The following PLEKHG3 variants were observed in gnomAD, a reference collection of about 807,000 sequenced individuals.
The protein encoded by PLEKHG3 is pleckstrin homology and RhoGEF domain containing G3, also known as pleckstrin homology domain-containing family G member 3.
PLEKHG3 carries 62 observed loss-of-function variants against 94.9 expected under a neutral mutation model. The ratio of observed to expected loss-of-function variants is 0.65; its 90% CI spans 0.53 to 0.81. PLEKHG3 has a LOEUF of 0.81. Among genes scored for constraint, PLEKHG3 ranks in the 30% least tolerant of loss-of-function variants. The probability of loss-of-function intolerance (pLI) is 0.00; values close to 1 mark genes in which losing one functional copy is unlikely to be tolerated. For missense variants in PLEKHG3, 1,461 were observed against 1,619.3 expected (o/e 0.90, Z 1.68); for synonymous variants, 614 against 654.0 (o/e 0.94, Z 0.93).
Position 64,738,095 on chromosome 14 carries a change from G to T in PLEKHG3, c.1405-647G>T. On this transcript the variant is annotated intron_variant, in intron 14 of 16. Coordinates refer to ENST00000247226, the MANE Select transcript of PLEKHG3 (RefSeq NM_001308147.2). The surrounding 1 kb of genome is among the most constrained non-coding windows in gnomAD (Gnocchi z 4.8). ...GGCCGGAGCCCCCAGGCTCAGAGGAGGAGGAGGAGGAGCAGGAGGAGAGCC... is the reference window on the plus strand; with the variant it reads ...GGCCGGAGCCCCCAGGCTCAGAGGATGAGGAGGAGGAGCAGGAGGAGAGCC... The T allele has an allele frequency of 7.7e-7, 1 of 1,304,322 alleles. No individual in the cohort carries two copies. Among genetic ancestry groups the T allele is most frequent in the Admixed American group, 2.2e-5 (1 of 45,140 alleles). 80.8% of individuals were successfully genotyped at this position (1,304,322 alleles called of 1,614,324 possible).
Position 64,731,231 on chromosome 14 carries a change from A to G in PLEKHG3, c.849+62A>G. ...CTGGGTGGGCCAGGCTTCCGCTGGG[A>G]AGAGGGACTGTGGCCACCCTGCTGG... On this transcript the variant is annotated intron_variant, in intron 7 of 16. Transcript: ENST00000247226. This position sits in a 1 kb window ranked among gnomAD's most constrained non-coding sequence, Gnocchi z 6.1. 2 of 1,524,944 alleles carry G rather than the reference A, an allele frequency of 1.3e-6. No individual in the cohort carries two copies. Among genetic ancestry groups the G allele is most frequent in the Non-Finnish European group, 1.8e-6 (2 of 1,110,554 alleles). 94.5% of individuals were successfully genotyped at this position (1,524,944 alleles called of 1,614,324 possible). A position where few individuals can be genotyped will look rare whatever the true frequency, so the allele number is the denominator to read the frequency against.
chr14:64,713,336 G>GT (rs1408232038), intron 1 of PLEKHG3, among the ~76,000 whole-genome samples: 1 of 152,108 alleles, frequency 6.6e-6, no homozygotes, highest in Non-Finnish European at 1.5e-5. Flanking sequence ...ATTTCCTGCT[G>GT]TTTTTTTGTG....
intron 12 of PLEKHG3, among the ~76,000 whole-genome samples, chr14:64,734,148 T>G (rs1197241600): frequency 6.6e-6 from 1 of 152,236 alleles, no homozygotes; most frequent in African/African-American, 2.4e-5. Flanking sequence ...TGGTTTTATG[T>G]TGTTGGTATT....
rs1330148785 is a variant in PLEKHG3, at chr14:64,742,464, G to A, written c.2938+9G>A. On this transcript the variant is annotated intron_variant, in intron 16 of 16. Coordinates refer to ENST00000247226, the MANE Select transcript of PLEKHG3 (RefSeq NM_001308147.2). ...GCCATTAGGTGGCAAAGGTATGACA[G>A]AAGCGGCAAGTGGGCCCTTCCCCAA... 6.3e-7 allele frequency: 1 copy of A among 1,583,098 alleles called. No individual in the cohort carries two copies. The highest frequency in any genetic ancestry group is 8.6e-7 in the Non-Finnish European group (1 of 1,161,992).
Position 64,741,182 on chromosome 14 carries a change from C to A in PLEKHG3, c.1665C>A (p.Asp555Glu), listed in dbSNP as rs2081681673. The change falls in exon 16 of 17, where the codon GAC becomes GAA. Residue 555 changes from aspartate (D) to glutamate (E), a missense_variant. Around this residue, in one of 3 missense-constraint regions of PLEKHG3, gnomAD observed 1,201 missense variants for 1,295.5 expected, o/e 0.93. Transcript: ENST00000247226. Reference protein sequence around the residue: ...LDAHQGLLGMDPPGDMVDFVA... With the variant: ...LDAHQGLLGMEPPGDMVDFVA... ...CCCACCAGGGCCTTCTGGGGATGGA[C>A]CCCCCAGGTGACATGGTGGACTTCG... 2 of 1,613,628 alleles carry A rather than the reference C, an allele frequency of 1.2e-6. No homozygotes were observed. Among genetic ancestry groups the A allele is most frequent in the East Asian group, 4.5e-5 (2 of 44,888 alleles).
chr14:64,724,494 C>G (rs1435177505), intron 1 of PLEKHG3, among the ~76,000 whole-genome samples: 3 of 152,198 alleles, frequency 2.0e-5, no homozygotes, highest in Non-Finnish European at 2.9e-5. Flanking sequence ...TGACCTCATA[C>G]TTTCTCCCTC....
rs868826781 is a variant in PLEKHG3, at chr14:64,743,671, G to A, written c.3628G>A (p.Glu1210Lys). 1 of 1,591,832 alleles carries A rather than the reference G, an allele frequency of 6.3e-7. No individual in the cohort carries two copies. The highest frequency in any genetic ancestry group is 1.7e-4 in the Middle Eastern group (1 of 5,958). Reference sequence around the variant, plus strand: ...GCAGGGCAGAGTGAGAAACCTTAGAGAGAAGTTCCAGGCCTTGAACTCTGT... The same window carrying A: ...GCAGGGCAGAGTGAGAAACCTTAGAAAGAAGTTCCAGGCCTTGAACTCTGT... The part of the protein sequence containing the change: ...SQQGRVRNLR[E>K]KFQALNSVG Residue 1210 changes from glutamate to lysine, a missense_variant, in exon 17 of 17, where the codon GAG becomes AAG. Physicochemically the swap from Glu to Lys is moderately conservative, Grantham distance 56 (BLOSUM62 1). Coordinates refer to ENST00000247226, the MANE Select transcript of PLEKHG3 (RefSeq NM_001308147.2). The surrounding 1 kb of genome is among the most constrained non-coding windows in gnomAD (Gnocchi z 7.2).
chr14:64,740,655 G>T (rs1386521820), intron 15 of PLEKHG3, among the ~76,000 whole-genome samples: 1 of 152,260 alleles, frequency 6.6e-6, no homozygotes, highest in East Asian at 1.9e-4. Context: ...CAGCCATGCT[G>T]GTTCCATGAC....
chr14:64,715,286 C>T lies in PLEKHG3; in HGVS notation c.-40+10582C>T, dbSNP rs920522545. On this transcript the variant is annotated intron_variant, in intron 1 of 16. Coordinates refer to ENST00000247226, the MANE Select transcript of PLEKHG3 (RefSeq NM_001308147.2). The surrounding 1 kb of genome is among the most constrained non-coding windows in gnomAD (Gnocchi z 4.4). ...TGAGAGATGGCCTTCTTGGCTTCGTCTCTCGGGCCATGTGGGAGGTTGTGG... is the reference window on the plus strand; with the variant it reads ...TGAGAGATGGCCTTCTTGGCTTCGTTTCTCGGGCCATGTGGGAGGTTGTGG... 6.6e-6 allele frequency among the ~76,000 whole-genome samples: 1 copy of T among 152,160 alleles called. No individual in the cohort carries two copies. The highest frequency in any genetic ancestry group is 1.5e-5 in the Non-Finnish European group (1 of 68,028).
intron 1 of PLEKHG3, among the ~76,000 whole-genome samples, chr14:64,712,597 A>T (rs2081079899): frequency 6.6e-6 from 1 of 152,208 alleles, no homozygotes; most frequent in Non-Finnish European, 1.5e-5. Context: ...TGGGAGTCTT[A>T]ATTCCATTTT....
rs1179878804 is a variant in PLEKHG3, at chr14:64,722,643, G to A, written c.-39-4950G>A. Reference sequence around the variant, plus strand: ...CCTGGCTCCAAAGCAGCTGTGGTGCGGTGTGGCTTCTCATTCTTGAGTGTG... The same window carrying A: ...CCTGGCTCCAAAGCAGCTGTGGTGCAGTGTGGCTTCTCATTCTTGAGTGTG... On this transcript the variant is annotated intron_variant, in intron 1 of 16. Transcript: ENST00000247226. This position sits in a 1 kb window ranked among gnomAD's most constrained non-coding sequence, Gnocchi z 4.3. 2.0e-5 allele frequency among the ~76,000 whole-genome samples: 3 copies of A among 152,302 alleles called. No homozygotes were observed. The highest frequency in any genetic ancestry group is 2.1e-4 in the South Asian group (1 of 4,826).
In PLEKHG3 at chr14:64,731,457, A is replaced by C. The variant is rs376484327; in HGVS notation, c.946A>C (p.Asn316His). 2 of 1,613,792 alleles carry C rather than the reference A, an allele frequency of 1.2e-6. No homozygotes were observed. Among genetic ancestry groups the C allele is most frequent in the Non-Finnish European group, 1.7e-6 (2 of 1,179,686 alleles). ...CACATTCCGCGTGCATCGCGTGCGCAATGAAAGGACCTTTTTCCTCTTTGA... is the reference window on the plus strand; with the variant it reads ...CACATTCCGCGTGCATCGCGTGCGCCATGAAAGGACCTTTTTCCTCTTTGA... ...EGTFRVHRVRNERTFFLFDKT... is the reference protein window; with the variant it reads ...EGTFRVHRVRHERTFFLFDKT... Residue 316 changes from asparagine (N) to histidine (H), a missense_variant, in exon 8 of 17, where the codon AAT becomes CAT. Physicochemically the swap from Asn to His is moderately conservative, Grantham distance 68 (BLOSUM62 1). Transcript: ENST00000247226. The surrounding 1 kb of genome is among the most constrained non-coding windows in gnomAD (Gnocchi z 6.1).
At chr14:64,719,753 C>G (rs540742565) in intron 1 of PLEKHG3, among the ~76,000 whole-genome samples, 21 of 152,094 alleles carry the variant, frequency 1.4e-4, no homozygotes, top group Middle Eastern at 3.4e-3. Flanking sequence ...TCCTACCCAC[C>G]CACCCCGCTC....
At position 64,742,001 on chromosome 14, in the gene PLEKHG3, T is replaced by C. The variant is rs1333742436; in HGVS notation, c.2484T>C (p.Pro828=). 7 of 1,571,470 alleles carry C rather than the reference T, an allele frequency of 4.5e-6. No individual in the cohort carries two copies. Among genetic ancestry groups the C allele is most frequent in the Middle Eastern group, 1.7e-4 (1 of 5,848 alleles). The change falls in exon 16 of 17, where the codon CCT becomes CCC. Residue 828 remains proline, a synonymous_variant. Transcript: ENST00000247226. ...WEGMESSGGS[P]GKGPGQGQAN... ...GAATGGAGTCTTCCGGAGGGAGCCC[T>C]GGGAAGGGGCCAGGCCAGGGCCAGG...
At chr14:64,708,991 AC>A in intron 1 of PLEKHG3, among the ~76,000 whole-genome samples, 1 of 152,372 alleles carries the variant, frequency 6.6e-6, no homozygotes, top group South Asian at 2.1e-4. Context: ...GTGTTGGGTG[AC>A]CTGAAGTCAG....
In PLEKHG3 at chr14:64,731,195, G is replaced by A. The variant is rs2081455108; in HGVS notation, c.849+26G>A. The A allele has an allele frequency of 2.6e-6, 4 of 1,554,282 alleles. No individual in the cohort carries two copies. Among genetic ancestry groups the A allele is most frequent in the Admixed American group, 1.7e-5 (1 of 59,414 alleles). The stretch of plus-strand genomic sequence containing the variant: ...GTGCTCTGGGGCTGGGACGCTGGGG[G>A]AGGGGCAGGGCTGGGTGGGCCAGGC... On this transcript the variant is annotated intron_variant, in intron 7 of 16. Coordinates refer to ENST00000247226, the MANE Select transcript of PLEKHG3 (RefSeq NM_001308147.2). This position sits in a 1 kb window ranked among gnomAD's most constrained non-coding sequence, Gnocchi z 6.1.
chr14:64,727,550 G>T lies in PLEKHG3; in HGVS notation c.-39-43G>T. ...AACCGTCCCTCTGTTCTGTTTCTGT[G>T]GGCATTCAGAGGTTGACCCTTCATC... On this transcript the variant is annotated intron_variant, in intron 1 of 16. Coordinates refer to ENST00000247226, the MANE Select transcript of PLEKHG3 (RefSeq NM_001308147.2). This position sits in a 1 kb window ranked among gnomAD's most constrained non-coding sequence, Gnocchi z 6.0. The T allele has an allele frequency of 2.0e-6, 1 of 494,386 alleles. No individual in the cohort carries two copies. Among genetic ancestry groups the T allele is most frequent in the South Asian group, 1.8e-5 (1 of 54,842 alleles). The allele number at this position is 494,386 out of a possible 1,614,324, so 30.6% of individuals were successfully genotyped here.
At chr14:64,737,887 T>G in intron 14 of PLEKHG3, 1 of 1,205,968 alleles carries the variant, frequency 8.3e-7, no homozygotes, top group South Asian at 1.5e-5. Flanking sequence ...GGAACCCTCC[T>G]GGACTTTGGG....
rs1041993033 is a variant in PLEKHG3 at position 64,747,361 on chromosome 14, G to A, written c.*3658G>A. ...CACCAAAGGCCTACTTTATTGCTAG[G>A]TGAGTGCAGTCACCTCACTGCCTTG... On this transcript the variant is annotated 3_prime_UTR_variant, in exon 17 of 17. Transcript: ENST00000247226. 1 of 152,692 alleles carries A rather than the reference G, an allele frequency of 6.5e-6. No homozygotes were observed. Among genetic ancestry groups the A allele is most frequent in the African/African-American group, 2.4e-5 (1 of 41,456 alleles). 9.5% of individuals were successfully genotyped at this position (152,692 alleles called of 1,614,324 possible).
Sources: allele counts gnomAD v4.1 joint callset (sites outside exome capture counted in the v4.1 genomes callset), GRCh38; gene constraint gnomAD v4.1.1; regional missense constraint gnomAD v4.1.1; non-coding constraint Gnocchi (gnomAD v3.1); transcripts MANE v1.5; gene names NCBI Gene and HGNC (gene_info 2026-07-23, HGNC 2026-07-21).